The following MAP4K5 variants were observed in gnomAD, a reference collection of about 807,000 sequenced individuals.
MAP4K5 encodes the protein mitogen-activated protein kinase kinase kinase kinase 5.
MAP4K5 carries 82 observed loss-of-function variants against 135.6 expected under a neutral mutation model. The observed-to-expected ratio is 0.60, with a 90% CI of 0.51 to 0.73. The LOEUF is 0.73. Ranked by LOEUF, MAP4K5 falls within the 30% of genes least tolerant of loss-of-function variation. The probability of loss-of-function intolerance (pLI) is 0.00; values close to 1 mark genes in which losing one functional copy is unlikely to be tolerated. For synonymous variants in MAP4K5, 347 were observed against 335.0 expected, an observed-to-expected ratio of 1.04 and a Z score of -0.39; for missense variants, 907 against 1,010.9, an observed-to-expected ratio of 0.90 and a Z score of 1.39.
chr14:50,551,475 A>C (rs2038702014), intron 1 of MAP4K5, among the ~76,000 whole-genome samples: 1 of 152,202 alleles, frequency 6.6e-6, no homozygotes, highest in Admixed American at 6.5e-5. Context: ...AATTCTACTG[A>C]AACTATTTCA....
chr14:50,440,960 A>T (rs946535367), intron 21 of MAP4K5, among the ~76,000 whole-genome samples: 4 of 152,166 alleles, frequency 2.6e-5, no homozygotes, highest in Admixed American at 2.6e-4. Flanking sequence ...GAAAGTAAAG[A>T]AGTGCTAAAA....
chr14:50,538,973 C>T (rs1168466284), intron 2 of MAP4K5, among the ~76,000 whole-genome samples: 1 of 152,222 alleles, frequency 6.6e-6, no homozygotes, highest in Non-Finnish European at 1.5e-5. Context: ...GTGCGCACCA[C>T]TGTGCCCAGC....
intron 6 of MAP4K5, 42 bp from the exon 7 acceptor site, chr14:50,476,348 C>A (rs955300947): frequency 5.7e-5 from 58 of 1,024,420 alleles, no homozygotes; most frequent in Non-Finnish European, 7.4e-5. Flanking sequence ...ATCAGCAAAA[C>A]TGTAAATGTG....
At chr14:50,499,129 A>C (rs1057141657) in intron 3 of MAP4K5, among the ~76,000 whole-genome samples, 1 of 145,666 alleles carries the variant, frequency 6.9e-6, no homozygotes, top group African/African-American at 2.5e-5. Flanking sequence ...ATTCCACAGC[A>C]AAAAAAAAAA....
intron 3 of MAP4K5, among the ~76,000 whole-genome samples, chr14:50,497,380 T>C (rs2037617353): frequency 6.6e-6 from 1 of 152,226 alleles, no homozygotes; most frequent in African/African-American, 2.4e-5. Context: ...TAATTCAGAC[T>C]TGAACTGTCC....
chr14:50,533,264 G>A (rs1372084380), upstream of MAP4K5: 2 of 152,162 alleles, frequency 1.3e-5, no homozygotes, highest in South Asian at 2.1e-4. Context: ...TAAAACAAAG[G>A]GGTCACAGAC....
intron 6 of MAP4K5, among the ~76,000 whole-genome samples, chr14:50,477,124 T>C (rs1232987936): frequency 2.0e-5 from 3 of 152,210 alleles, no homozygotes; most frequent in African/African-American, 4.8e-5. Flanking sequence ...GAACATGGTA[T>C]AGTTCTCCAT....
chr14:50,526,273 C>T (rs947623590), intron 2 of MAP4K5, among the ~76,000 whole-genome samples: 2 of 152,128 alleles, frequency 1.3e-5, no homozygotes, highest in Non-Finnish European at 2.9e-5. Context: ...TAATTTTCTA[C>T]CAAATTATGA....
intron 13 of MAP4K5, among the ~76,000 whole-genome samples, chr14:50,458,297 T>A (rs1279383052): frequency 6.6e-6 from 1 of 152,176 alleles, no homozygotes; most frequent in Non-Finnish European, 1.5e-5. Flanking sequence ...TCCATCTTGC[T>A]TCCCTTGACT....
intron 2 of MAP4K5, among the ~76,000 whole-genome samples, chr14:50,524,369 C>T (rs1328067880): frequency 6.6e-6 from 1 of 152,108 alleles, no homozygotes; most frequent in Non-Finnish European, 1.5e-5. Context: ...GCTTACATGA[C>T]CACTATGCTG....
intron 3 of MAP4K5, among the ~76,000 whole-genome samples, chr14:50,500,184 T>C (rs909649514): frequency 6.6e-6 from 1 of 152,190 alleles, no homozygotes; most frequent in African/African-American, 2.4e-5. Context: ...TGAGGATAGA[T>C]AATCGCTATT....
At chr14:50,433,422 G>A (rs2036019308) in intron 28 of MAP4K5, among the ~76,000 whole-genome samples, 1 of 152,166 alleles carries the variant, frequency 6.6e-6, no homozygotes, top group South Asian at 2.1e-4. Flanking sequence ...TTTGAAATTG[G>A]CCATGGGTGG....
intron 9 of MAP4K5, among the ~76,000 whole-genome samples, chr14:50,469,194 C>A (rs2036900254): frequency 6.6e-6 from 1 of 152,034 alleles, no homozygotes; most frequent in Admixed American, 6.6e-5. Context: ...TTCAGGGAGA[C>A]CAGCAAAGCT....
intron 20 of MAP4K5, among the ~76,000 whole-genome samples, chr14:50,443,400 C>T (rs180698725): frequency 2.0e-5 from 3 of 152,014 alleles, no homozygotes; most frequent in Admixed American, 2.0e-4. Context: ...GTATATAGTC[C>T]AATGTGAAAA....
intron 13 of MAP4K5, among the ~76,000 whole-genome samples, chr14:50,460,457 T>A (rs1286558609): frequency 6.6e-6 from 1 of 152,150 alleles, no homozygotes; most frequent in Non-Finnish European, 1.5e-5. Flanking sequence ...ATAAGAGGTG[T>A]CTGGTTATTT....
intron 2 of MAP4K5, among the ~76,000 whole-genome samples, chr14:50,515,322 T>A (rs2038014010): frequency 6.6e-6 from 1 of 152,230 alleles, no homozygotes; most frequent in South Asian, 2.1e-4. Context: ...CTTTTCATTC[T>A]CTGACCTAAT....
chr14:50,419,989 T>G lies in MAP4K5; in HGVS notation c.*30A>C. 1 of 1,464,992 alleles carries G rather than the reference T, an allele frequency of 6.8e-7. No homozygotes were observed. The highest frequency in any genetic ancestry group is 1.2e-5 in the South Asian group (1 of 84,178). The allele number at this position is 1,464,992 out of a possible 1,614,324, so 90.7% of individuals were successfully genotyped here. ...TTCCTTTCAATGGAGTATATTCATTTTCCTGTCATTTGAGATCAGTTTCTG... is the reference window on the plus strand; with the variant it reads ...TTCCTTTCAATGGAGTATATTCATTGTCCTGTCATTTGAGATCAGTTTCTG... On this transcript the variant is annotated 3_prime_UTR_variant, in exon 33 of 33. Transcript: ENST00000682126.
At chr14:50,468,512 G>A (rs567302353) in intron 10 of MAP4K5, 139 bp downstream of exon 10, 51 of 800,174 alleles carry the variant, frequency 6.4e-5, no homozygotes, top group Non-Finnish European at 9.4e-5. Flanking sequence ...AATAGGTTTT[G>A]GATGAGATTA....
chr14:50,553,169 G>A (rs191408607), intron 1 of MAP4K5, among the ~76,000 whole-genome samples: 230 of 151,718 alleles, frequency 1.5e-3, no homozygotes, highest in Middle Eastern at 0.01. Context: ...GGTGGTGTGT[G>A]CCTGTAGTCA....
Sources: allele counts gnomAD v4.1 joint callset (sites outside exome capture counted in the v4.1 genomes callset), GRCh38; gene constraint gnomAD v4.1.1; transcripts MANE v1.5; gene names NCBI Gene and HGNC (gene_info 2026-07-23, HGNC 2026-07-21).